Variants in ANK1 observed in about 807,000 individuals in gnomAD.
The protein encoded by ANK1 is ankyrin 1.
Under a neutral mutation model 210.4 loss-of-function variants are expected in ANK1, and 51 were observed. The observed-to-expected ratio is 0.24, with a 90% confidence interval of 0.19 to 0.31. The LOEUF (loss-of-function observed/expected upper bound fraction) is 0.31. ANK1 is among the 10% of genes least tolerant of loss of function. The pLI, the probability that ANK1 is intolerant of heterozygous loss-of-function variation, is 1.00. For missense variants in ANK1, 2,051 were observed against 2,504.4 expected, an observed-to-expected ratio of 0.82 and a Z score of 3.86; for synonymous variants, 967 against 1,025.9, an observed-to-expected ratio of 0.94 and a Z score of 1.10.
rs529873502 is a variant in ANK1 at position 41,685,547 on chromosome 8, C to T, written c.4390+605G>A. 5.3e-5 allele frequency among the ~76,000 whole-genome samples: 8 copies of T among 152,338 alleles called. No homozygotes were observed. The South Asian group carries it at 1.7e-3, about 32-fold the overall frequency. On this transcript the variant is annotated intron_variant, in intron 36 of 42. Coordinates refer to ENST00000289734, the MANE Select transcript of ANK1 (RefSeq NM_000037.4). ...CAGACTGTGTCCTGAGAGGACAATA[C>T]TCATTTGCTTGGGAAATTCAACAGG... is the stretch of plus-strand genomic sequence containing the variant.
intron 30 of ANK1, 41 bp downstream of exon 30, chr8:41,693,064 G>A (rs376225356): frequency 6.4e-7 from 1 of 1,557,896 alleles, no homozygotes; most frequent in Non-Finnish European, 8.9e-7. Flanking sequence ...AGAGCCTGAG[G>A]ACGGCCCACA....
intron 6 of ANK1, among the ~76,000 whole-genome samples, chr8:41,724,984 C>T (rs1830300293): frequency 6.6e-6 from 1 of 152,176 alleles, no homozygotes; most frequent in African/African-American, 2.4e-5. Flanking sequence ...CGCAGCCTCC[C>T]CAGTAGCTGG....
chr8:41,677,626 G>A (rs557512630), intron 37 of ANK1, among the ~76,000 whole-genome samples: 5 of 144,358 alleles, frequency 3.5e-5, no homozygotes, highest in East Asian at 2.0e-4. Flanking sequence ...TTTCACTCCC[G>A]TTGCCCAGGC....
chr8:41,786,243 T>C (rs2150754023), intron 1 of ANK1, among the ~76,000 whole-genome samples: 1 of 152,202 alleles, frequency 6.6e-6, no homozygotes. Context: ...TAGGAACATC[T>C]CAGAGGGGGG....
At chr8:41,867,233 G>T (rs1814647488) in intron 1 of ANK1, among the ~76,000 whole-genome samples, 1 of 152,140 alleles carries the variant, frequency 6.6e-6, no homozygotes, top group East Asian at 1.9e-4. Context: ...AATCTCTGAT[G>T]ATGCCGCTTT....
Position 41,672,492 on chromosome 8 carries a change from G to A in ANK1, c.4958C>T (p.Ser1653Phe), listed in dbSNP as rs752158132. The change falls in exon 38 of 43, where the codon TCT becomes TTT. Residue 1653 changes from serine (S) to phenylalanine (F), a missense_variant. Around this residue, in one of 6 missense-constraint regions of ANK1, gnomAD observed 496 missense variants for 533.4 expected, o/e 0.93. Coordinates refer to ENST00000289734, the MANE Select transcript of ANK1 (RefSeq NM_000037.4). ...GQRSEEKLPG[S>F]KRQDDATGAG... ...ACCTGTCGCGTCATCCTGCCTCTTA[G>A]AACCTGGCAGCTTCTCTTCTGACCT... The A allele has an allele frequency of 6.8e-5, 109 of 1,614,232 alleles. 5 individuals carry two copies. In the South Asian group the frequency reaches 1.2e-3, roughly 17 times the overall value.
In ANK1 at chr8:41,694,344, G is replaced by A. The variant is rs1439621958; in HGVS notation, c.3328-242C>T. 6.6e-6 allele frequency among the ~76,000 whole-genome samples: 1 copy of A among 152,228 alleles called. No individual in the cohort carries two copies. The highest frequency in any genetic ancestry group is 1.9e-4 in the East Asian group (1 of 5,190). ...CACAGTCAACTCCCGGAGGTCATGC[G>A]GTTCCTGCATGCTGCACAGACTGGG... On this transcript the variant is annotated intron_variant, in intron 28 of 42. Coordinates refer to ENST00000289734, the MANE Select transcript of ANK1 (RefSeq NM_000037.4). The surrounding 1 kb of genome is among the most constrained non-coding windows in gnomAD (Gnocchi z 5.7).
In ANK1 at chr8:41,729,311, T is replaced by C. The variant is rs150164645; in HGVS notation, c.229-1305A>G. 3.7e-3 allele frequency among the ~76,000 whole-genome samples: 568 copies of C among 152,348 alleles called. 4 individuals are homozygous for C. The highest frequency in any genetic ancestry group is 5.4e-3 in the Non-Finnish European group (369 of 68,036). Reference sequence around the variant, plus strand: ...TGGAGGAAAACCAGGCACGTAATTGTTTTAAACTTTGTAAAAGATAAGAAC... The same window carrying C: ...TGGAGGAAAACCAGGCACGTAATTGCTTTAAACTTTGTAAAAGATAAGAAC... On this transcript the variant is annotated intron_variant, in intron 3 of 42. Transcript: ENST00000289734.
At chr8:41,680,099 AT>A (rs1815492294) in intron 37 of ANK1, among the ~76,000 whole-genome samples, 1 of 152,076 alleles carries the variant, frequency 6.6e-6, no homozygotes, top group African/African-American at 2.4e-5. Context: ...AGCTCCTTGG[AT>A]TTGGCTGGAT....
At chr8:41,796,213 A>C (rs1000460503) in intron 1 of ANK1, among the ~76,000 whole-genome samples, 1 of 152,210 alleles carries the variant, frequency 6.6e-6, no homozygotes, top group African/African-American at 2.4e-5. Context: ...TTTCCCAGAC[A>C]AGAAAACTGA....
chr8:41,794,140 T>C (rs553803056), intron 1 of ANK1, among the ~76,000 whole-genome samples: 2 of 152,330 alleles, frequency 1.3e-5, no homozygotes, highest in South Asian at 4.1e-4. Context: ...GATGGTGCCA[T>C]TTGCCTCATA....
In ANK1 at chr8:41,896,438, C is replaced by A; in HGVS notation, c.43G>T (p.Glu15Ter). 3.1e-6 allele frequency: 5 copies of A among 1,606,380 alleles called. No individual in the cohort carries two copies. The highest frequency in any genetic ancestry group is 4.2e-6 in the Non-Finnish European group (5 of 1,176,502). Residue 15 changes from glutamate to a stop codon, truncating the protein, a stop_gained, in exon 1 of 43, where the codon GAG (glutamate) becomes TAG (stop). Coordinates refer to the ANK1 transcript ENST00000265709. LOFTEE classifies it high-confidence loss of function. Reference sequence around the variant, plus strand: ...TTCTGCTCCTGGAGGGCCTGCGCCTCGATGTCTTTGATTTTCTTCAGCTGT... The same window carrying A: ...TTCTGCTCCTGGAGGGCCTGCGCCTAGATGTCTTTGATTTTCTTCAGCTGT...
Position 41,725,779 on chromosome 8 carries a change from G to T in ANK1, c.594C>A (p.Asn198Lys). 1 of 1,610,936 alleles carries T rather than the reference G, an allele frequency of 6.2e-7. No homozygotes were observed. The highest frequency in any genetic ancestry group is 8.5e-7 in the Non-Finnish European group (1 of 1,179,746). Residue 198 changes from asparagine (N) to lysine (K), a missense_variant, in exon 6 of 43, where the codon AAC becomes AAA. Around this residue, in one of 6 missense-constraint regions of ANK1, gnomAD observed 1,413 missense variants for 1,707.4 expected, o/e 0.83. Transcript: ENST00000289734. ...CCCTCACCTTGGAAAGCACGTCCGG[G>T]TTGGGGTCGTTCTGCAGCAGCACCG... ...TAAVLLQNDP[N>K]PDVLSKTGFT...
intron 9 of ANK1, among the ~76,000 whole-genome samples, chr8:41,720,850 C>T (rs1367199644): frequency 6.6e-6 from 1 of 152,090 alleles, no homozygotes; most frequent in Non-Finnish European, 1.5e-5. Context: ...CCTAGGGGAA[C>T]CCAGGGGCCT....
intron 1 of ANK1, among the ~76,000 whole-genome samples, chr8:41,819,277 C>T (rs1392430653): frequency 1.3e-5 from 2 of 152,224 alleles, no homozygotes; most frequent in Non-Finnish European, 2.9e-5. Flanking sequence ...GAGACTGCTA[C>T]ACTGTGGTGC....
chr8:41,662,794 C>T (rs1226543862), intron 40 of ANK1, among the ~76,000 whole-genome samples: 1 of 152,092 alleles, frequency 6.6e-6, no homozygotes, highest in Non-Finnish European at 1.5e-5. Context: ...GAAGCACATT[C>T]GAGATCCTGC....
chr8:41,694,097 C>A lies in ANK1; in HGVS notation c.3333G>T (p.Gln1111His), dbSNP rs1820122355. 6.2e-7 allele frequency: 1 copy of A among 1,613,664 alleles called. No individual in the cohort carries two copies. ...TKRVKLALQAQPVPDELVTKL... is the reference protein window; with the variant it reads ...TKRVKLALQAHPVPDELVTKL... ...TAGTGACAAGCTCATCCGGGACAGG[C>A]TGGGCCTGTGAAATGACAGAGGCAG... is the stretch of plus-strand genomic sequence containing the variant. The change falls in exon 29 of 43, where the codon CAG (glutamine) becomes CAT (histidine). Residue 1111 changes from glutamine to histidine, a missense_variant. Around this residue, in one of 6 missense-constraint regions of ANK1, gnomAD observed 1,413 missense variants for 1,707.4 expected, o/e 0.83. Transcript: ENST00000289734. This position sits in a 1 kb window ranked among gnomAD's most constrained non-coding sequence, Gnocchi z 5.7.
intron 2 of ANK1, among the ~76,000 whole-genome samples, chr8:41,737,142 T>C (rs1283988895): frequency 1.3e-5 from 2 of 152,036 alleles, no homozygotes; most frequent in Non-Finnish European, 2.9e-5. Context: ...CTACTAAAAA[T>C]ACAACAATTA....
chr8:41,803,035 AAG>A (rs1191789794), intron 1 of ANK1, among the ~76,000 whole-genome samples: 1 of 87,032 alleles, frequency 1.1e-5, no homozygotes, highest in Non-Finnish European at 2.4e-5. Context: ...GAAAGAAAGA[AAG>A]AAAGAGAAAG....
Sources: allele counts gnomAD v4.1 joint callset (sites outside exome capture counted in the v4.1 genomes callset), GRCh38; gene constraint gnomAD v4.1.1; regional missense constraint gnomAD v4.1.1; non-coding constraint Gnocchi (gnomAD v3.1); transcripts MANE v1.5; gene names NCBI Gene and HGNC (gene_info 2026-07-23, HGNC 2026-07-21).